The following CCSER1 variants were observed in gnomAD, a reference collection of about 807,000 sequenced individuals.
CCSER1 encodes the protein coiled-coil serine rich protein 1, also known as serine-rich coiled-coil domain-containing protein 1.
A neutral mutation model predicts 82.0 loss-of-function variants in CCSER1; 41 were observed. The observed-to-expected ratio is 0.50, with a 90% CI of 0.39 to 0.65. CCSER1 has a LOEUF of 0.65. Among genes scored for constraint, CCSER1 ranks in the 30% least tolerant of loss-of-function variants. The probability of loss-of-function intolerance (pLI) is 0.00; values close to 1 mark genes in which losing one functional copy is unlikely to be tolerated. For synonymous variants in CCSER1, 414 were observed against 383.9 expected, an observed-to-expected ratio of 1.08 and a Z score of -0.92; for missense variants, 1,119 against 1,064.2, an observed-to-expected ratio of 1.05 and a Z score of -0.72.
At chr4:90,819,658 G>C (rs776636221) in intron 8 of CCSER1, among the ~76,000 whole-genome samples, 1 of 152,092 alleles carries the variant, frequency 6.6e-6, no homozygotes, top group Non-Finnish European at 1.5e-5. Context: ...CATTTCTAAT[G>C]TGAATGTATT....
At chr4:90,362,289 T>C (rs562276159) in intron 3 of CCSER1, among the ~76,000 whole-genome samples, 9 of 152,196 alleles carry the variant, frequency 5.9e-5, no homozygotes, top group African/African-American at 2.2e-4. Flanking sequence ...TGTAGGGCAA[T>C]AGAGAAAGTT....
At chr4:91,045,699 A>C (rs1486818420) in intron 9 of CCSER1, among the ~76,000 whole-genome samples, 1 of 152,110 alleles carries the variant, frequency 6.6e-6, no homozygotes, top group South Asian at 2.1e-4. Flanking sequence ...AACTCCTATA[A>C]AGTAGCTTTT....
Position 90,606,290 on chromosome 4 carries a change from CAG to C in CCSER1, c.1725-21732_1725-21731del, listed in dbSNP as rs546740312. Among the ~76,000 whole-genome samples, 719 of 152,182 alleles carry C rather than the reference CAG, an allele frequency of 4.7e-3. 5 individuals are homozygous for C. Among genetic ancestry groups the C allele is most frequent in the African/African-American group, 0.016 (673 of 41,520 alleles). ...TTAGGCTGTTTCATCATTGTGCAAA[CAG>C]AGTGTACTTACACAAACCTAGATGA... On this transcript the variant is annotated intron_variant, in intron 5 of 10. Transcript: ENST00000509176.
intron 4 of CCSER1, among the ~76,000 whole-genome samples, chr4:90,409,764 A>G (rs1227888278): frequency 2.0e-5 from 3 of 152,244 alleles, no homozygotes; most frequent in Non-Finnish European, 4.4e-5. Context: ...TGACAGGATC[A>G]AATTCACACA....
chr4:90,168,034 C>A (rs1352156605), intron 1 of CCSER1, among the ~76,000 whole-genome samples: 2 of 151,808 alleles, frequency 1.3e-5, no homozygotes, highest in African/African-American at 4.8e-5. Context: ...GTTCTAGATC[C>A]CTGAGGAATC....
At chr4:91,389,583 A>G (rs1751524465) in intron 10 of CCSER1, among the ~76,000 whole-genome samples, 2 of 151,844 alleles carry the variant, frequency 1.3e-5, no homozygotes. Context: ...TTCTCCATAT[A>G]AACTTTAGAA....
chr4:90,858,467 T>TAATTAA (rs1764707634), intron 8 of CCSER1, among the ~76,000 whole-genome samples: 1 of 152,020 alleles, frequency 6.6e-6, no homozygotes, highest in Non-Finnish European at 1.5e-5. Flanking sequence ...ATATAAAAGT[T>TAATTAA]AATTAAACCT....
intron 7 of CCSER1, among the ~76,000 whole-genome samples, chr4:90,749,808 G>C (rs916751691): frequency 6.6e-6 from 1 of 151,850 alleles, no homozygotes; most frequent in African/African-American, 2.4e-5. Flanking sequence ...TATATACCCA[G>C]TAATGGGATG....
At chr4:91,394,696 C>A (rs1056072782) in intron 10 of CCSER1, among the ~76,000 whole-genome samples, 1 of 151,914 alleles carries the variant, frequency 6.6e-6, no homozygotes, top group Non-Finnish European at 1.5e-5. Context: ...TGACAGAAAG[C>A]AAAATTTAAA....
At chr4:91,097,720 G>T (rs558048996) in intron 10 of CCSER1, among the ~76,000 whole-genome samples, 15 of 152,260 alleles carry the variant, frequency 9.9e-5, no homozygotes, top group Admixed American at 4.6e-4. Flanking sequence ...TGATATTTGT[G>T]TGATCATGCC....
chr4:90,284,467 G>T (rs1729472991), intron 1 of CCSER1, among the ~76,000 whole-genome samples: 1 of 150,842 alleles, frequency 6.6e-6, no homozygotes, highest in African/African-American at 2.4e-5. Flanking sequence ...TCAGGTATTA[G>T]GTTTGTCTTC....
intron 10 of CCSER1, among the ~76,000 whole-genome samples, chr4:91,595,628 G>A (rs1764528301): frequency 6.6e-6 from 1 of 151,918 alleles, no homozygotes; most frequent in Non-Finnish European, 1.5e-5. Context: ...ATGAAGATAT[G>A]GATATAAATA....
intron 5 of CCSER1, among the ~76,000 whole-genome samples, chr4:90,523,998 T>G (rs976955410): frequency 1.3e-5 from 2 of 152,052 alleles, no homozygotes; most frequent in African/African-American, 4.8e-5. Context: ...CATATATGAC[T>G]AACAATTCTA....
intron 10 of CCSER1, among the ~76,000 whole-genome samples, chr4:91,466,507 A>C (rs1299113913): frequency 6.6e-6 from 1 of 152,210 alleles, no homozygotes; most frequent in Non-Finnish European, 1.5e-5. Context: ...TGGCCAGGGC[A>C]ATCAGGCAAG....
chr4:91,094,326 G>T (rs1383703310), intron 10 of CCSER1, among the ~76,000 whole-genome samples: 1 of 152,166 alleles, frequency 6.6e-6, no homozygotes, highest in African/African-American at 2.4e-5. Flanking sequence ...AAGGCAAACA[G>T]CTTTTGGCTC....
At chr4:90,402,618 C>A (rs919830675) in intron 4 of CCSER1, among the ~76,000 whole-genome samples, 1 of 151,980 alleles carries the variant, frequency 6.6e-6, no homozygotes, top group Admixed American at 6.6e-5. Context: ...TGAAGATTTT[C>A]ATTGTAAAAA....
At chr4:91,022,365 G>T (rs1470764108) in intron 9 of CCSER1, among the ~76,000 whole-genome samples, 2 of 152,088 alleles carry the variant, frequency 1.3e-5, no homozygotes, top group Non-Finnish European at 2.9e-5. Flanking sequence ...GTATTCCATG[G>T]TGTATGGTGT....
chr4:90,332,778 TAAG>T (rs1370576561), intron 3 of CCSER1, among the ~76,000 whole-genome samples: 1 of 152,188 alleles, frequency 6.6e-6, no homozygotes, highest in African/African-American at 2.4e-5. Context: ...ATGTATTTTC[TAAG>T]AAGAAGGATA....
chr4:90,544,832 G>A (rs1472964994), intron 5 of CCSER1, among the ~76,000 whole-genome samples: 2 of 152,070 alleles, frequency 1.3e-5, no homozygotes, highest in East Asian at 3.9e-4. Context: ...AAAAAGACAA[G>A]ACATGAATTT....
Sources: allele counts gnomAD v4.1 joint callset (sites outside exome capture counted in the v4.1 genomes callset), GRCh38; gene constraint gnomAD v4.1.1; transcripts MANE v1.5; gene names NCBI Gene and HGNC (gene_info 2026-07-23, HGNC 2026-07-21).